NECAB1: variants seen among roughly 807,000 people sequenced by gnomAD.
The protein encoded by NECAB1 is N-terminal EF-hand calcium-binding protein 1.
NECAB1 carries 29 observed loss-of-function variants against 57.5 expected under a neutral mutation model. That is an observed-to-expected ratio of 0.50 (90% confidence interval 0.38 to 0.69). The LOEUF (loss-of-function observed/expected upper bound fraction) is 0.69, where lower values mean the gene tolerates loss of function less well. NECAB1 is among the 30% of genes least tolerant of loss of function. NECAB1 has a pLI of 0.00. For synonymous variants in NECAB1, 142 were observed against 147.7 expected, an observed-to-expected ratio of 0.96 and a Z score of 0.28; for missense variants, 372 against 413.8, an observed-to-expected ratio of 0.90 and a Z score of 0.88.
chr8:90,807,812 A>G (rs1811878104), intron 2 of NECAB1, among the ~76,000 whole-genome samples: 1 of 150,660 alleles, frequency 6.6e-6, no homozygotes, highest in Non-Finnish European at 1.5e-5. Flanking sequence ...AGACACCTCA[A>G]CTACACATCT....
chr8:90,821,456 C>T (rs1417378104), intron 2 of NECAB1, among the ~76,000 whole-genome samples: 2 of 151,798 alleles, frequency 1.3e-5, no homozygotes, highest in Non-Finnish European at 2.9e-5. Flanking sequence ...TTCTATCCTC[C>T]AAATATATAC....
chr8:90,870,124 T>A, intron 3 of NECAB1, among the ~76,000 whole-genome samples: 1 of 152,176 alleles, frequency 6.6e-6, no homozygotes, highest in Non-Finnish European at 1.5e-5. Context: ...ACTTCCCCTT[T>A]GCCTTCTGCC....
intron 1 of NECAB1, among the ~76,000 whole-genome samples, chr8:90,801,143 ATGTAAAG>A (rs374088822): frequency 4.6e-4 from 70 of 152,302 alleles, no homozygotes; most frequent in African/African-American, 1.6e-3. Flanking sequence ...ATGTGCACAT[ATGTAAAG>A]TGTAAACTTG....
chr8:90,879,649 C>T (rs1050612837), intron 4 of NECAB1, among the ~76,000 whole-genome samples: 5 of 152,094 alleles, frequency 3.3e-5, no homozygotes, highest in Non-Finnish European at 5.9e-5. Flanking sequence ...GAATATTCTA[C>T]GGCCACATTA....
At chr8:90,874,219 T>A (rs918097969) in intron 4 of NECAB1, among the ~76,000 whole-genome samples, 2 of 152,172 alleles carry the variant, frequency 1.3e-5, no homozygotes, top group Non-Finnish European at 2.9e-5. Flanking sequence ...CCCTTGTGCG[T>A]GGGAGGGGCA....
chr8:90,948,564 G>A (rs1369264726), intron 10 of NECAB1, among the ~76,000 whole-genome samples: 2 of 152,082 alleles, frequency 1.3e-5, no homozygotes, highest in Non-Finnish European at 2.9e-5. Context: ...TAAGTTCTTT[G>A]TTAACCCAAA....
Position 90,801,696 on chromosome 8 carries a change from G to A in NECAB1, c.105G>A (p.Leu35=), listed in dbSNP as rs1449989047. The A allele has an allele frequency of 6.5e-7, 1 of 1,528,308 alleles. No homozygotes were observed. Among genetic ancestry groups the A allele is most frequent in the African/African-American group, 1.4e-5 (1 of 72,408 alleles). 94.7% of individuals were successfully genotyped at this position (1,528,308 alleles called of 1,614,324 possible). A position where few individuals can be genotyped will look rare whatever the true frequency, so the allele number is the denominator to read the frequency against. ...SKGMSIFLDI[L]RRADKNDDGK... ...TTTTCCTTTTTCCTTTCCAGATACTGAGGAGAGCAGACAAAAATGGTAAGA... is the reference window on the plus strand; with the variant it reads ...TTTTCCTTTTTCCTTTCCAGATACTAAGGAGAGCAGACAAAAATGGTAAGA... Residue 35 remains leucine, a synonymous_variant, in exon 2 of 13, where the codon CTG becomes CTA. Coordinates refer to ENST00000417640, the MANE Select transcript of NECAB1 (RefSeq NM_022351.5).
At chr8:90,848,665 T>C (rs1178996101) in intron 3 of NECAB1, among the ~76,000 whole-genome samples, 1 of 152,210 alleles carries the variant, frequency 6.6e-6, no homozygotes, top group Non-Finnish European at 1.5e-5. Flanking sequence ...GCAAGACAGC[T>C]TGTGCAGGGA....
Position 90,810,353 on chromosome 8 carries a change from G to A in NECAB1, c.124+8638G>A, listed in dbSNP as rs571953192. ...TGTTCATTCACTCATTCCTTTATTT[G>A]CTTAATATTTTGTGAGTGCTCTTTA... On this transcript the variant is annotated intron_variant, in intron 2 of 12. Coordinates refer to ENST00000417640, the MANE Select transcript of NECAB1 (RefSeq NM_022351.5). Among the ~76,000 whole-genome samples the A allele has an allele frequency of 6.6e-5, 10 of 152,260 alleles. 1 individual carries two copies. The South Asian group carries it at 2.1e-3, about 32-fold the overall frequency.
At chr8:90,918,597 C>A (rs1810032648) in intron 6 of NECAB1, among the ~76,000 whole-genome samples, 1 of 152,104 alleles carries the variant, frequency 6.6e-6, no homozygotes, top group Admixed American at 6.6e-5. Flanking sequence ...TCTATTTGAG[C>A]TTGTCTTGCA....
At chr8:90,932,306 C>T (rs1052886701) in intron 8 of NECAB1, among the ~76,000 whole-genome samples, 2 of 152,138 alleles carry the variant, frequency 1.3e-5, no homozygotes, top group Non-Finnish European at 2.9e-5. Context: ...TTCAGCCATT[C>T]ATTTATTCTA....
intron 5 of NECAB1, among the ~76,000 whole-genome samples, chr8:90,905,863 G>A (rs1809628831): frequency 6.6e-6 from 1 of 152,020 alleles, no homozygotes; most frequent in Admixed American, 6.6e-5. Flanking sequence ...TTCTTCATCT[G>A]TATCTAATCT....
intron 6 of NECAB1, among the ~76,000 whole-genome samples, chr8:90,925,217 T>A (rs1189141433): frequency 1.3e-5 from 2 of 152,102 alleles, no homozygotes; most frequent in African/African-American, 4.8e-5. Context: ...ATAAGTGTTT[T>A]CAAATTAAAC....
chr8:90,940,949 G>C, intron 10 of NECAB1, 51 bp downstream of exon 10: 1 of 1,333,758 alleles, frequency 7.5e-7, no homozygotes, highest in Non-Finnish European at 1.1e-6. Flanking sequence ...TGGGAATACA[G>C]TGAAGGCATT....
At chr8:90,887,245 T>C (rs1341999717) in intron 5 of NECAB1, among the ~76,000 whole-genome samples, 2 of 152,184 alleles carry the variant, frequency 1.3e-5, no homozygotes, top group Non-Finnish European at 2.9e-5. Flanking sequence ...GACTATCTTC[T>C]CCCATTTTTT....
chr8:90,831,338 G>A (rs1286067998), intron 3 of NECAB1, among the ~76,000 whole-genome samples: 1 of 152,112 alleles, frequency 6.6e-6, no homozygotes, highest in Non-Finnish European at 1.5e-5. Flanking sequence ...TCAGAATAAA[G>A]GTGAATAGAT....
At chr8:90,865,792 T>C (rs2129825331) in intron 3 of NECAB1, among the ~76,000 whole-genome samples, 1 of 152,196 alleles carries the variant, frequency 6.6e-6, no homozygotes, top group South Asian at 2.1e-4. Context: ...CCCCTGCCTA[T>C]TGGGCTATCA....
intron 4 of NECAB1, among the ~76,000 whole-genome samples, chr8:90,877,082 A>G (rs1808742405): frequency 6.6e-6 from 1 of 152,222 alleles, no homozygotes; most frequent in African/African-American, 2.4e-5. Context: ...AACATCAGTC[A>G]CAAACATGAG....
At chr8:90,857,794 G>T (rs553034425) in intron 3 of NECAB1, among the ~76,000 whole-genome samples, 7 of 152,110 alleles carry the variant, frequency 4.6e-5, no homozygotes, top group African/African-American at 1.7e-4. Context: ...AAGAGCAGGA[G>T]AATTTACAAT....
Sources: allele counts gnomAD v4.1 joint callset (sites outside exome capture counted in the v4.1 genomes callset), GRCh38; gene constraint gnomAD v4.1.1; transcripts MANE v1.5; gene names NCBI Gene and HGNC (gene_info 2026-07-23, HGNC 2026-07-21).